Variants in SDK1 observed in about 807,000 individuals in gnomAD.
SDK1 encodes sidekick cell adhesion molecule 1.
Under a neutral mutation model 245.5 loss-of-function variants are expected in SDK1, and 157 were observed. The observed-to-expected ratio is 0.64, with a 90% CI of 0.56 to 0.73. The LOEUF is 0.73. Among genes scored for constraint, SDK1 ranks in the 30% least tolerant of loss-of-function variants. The pLI is 0.00. For missense variants in SDK1, 3,583 were observed against 3,002.3 expected (o/e 1.19, Z -4.52); for synonymous variants, 1,647 against 1,278.5 (o/e 1.29, Z -6.15).
chr7:4,190,649 G>A (rs1436180020), intron 35 of SDK1, among the ~76,000 whole-genome samples: 1 of 152,266 alleles, frequency 6.6e-6, no homozygotes, highest in African/African-American at 2.4e-5. Flanking sequence ...CCCACAGCAG[G>A]CTGTGCACAG....
chr7:3,431,190 C>G (rs542786993), intron 1 of SDK1, among the ~76,000 whole-genome samples: 3 of 152,048 alleles, frequency 2.0e-5, no homozygotes, highest in Non-Finnish European at 4.4e-5. Context: ...CGTGAGGCAC[C>G]ACGCCTGGCC....
intron 25 of SDK1, among the ~76,000 whole-genome samples, chr7:4,125,146 C>T (rs1292267712): frequency 3.1e-5 from 3 of 95,830 alleles, no homozygotes; most frequent in East Asian, 3.7e-4. Context: ...ATGGAATGAT[C>T]GATTTATGGA....
chr7:3,501,577 G>A (rs1050606350), intron 1 of SDK1, among the ~76,000 whole-genome samples: 1 of 152,116 alleles, frequency 6.6e-6, no homozygotes, highest in Non-Finnish European at 1.5e-5. Context: ...AGAATTCTAA[G>A]TAGATGAAGT....
intron 17 of SDK1, among the ~76,000 whole-genome samples, chr7:4,033,647 C>T (rs780531411): frequency 6.6e-6 from 1 of 152,156 alleles, no homozygotes; most frequent in African/African-American, 2.4e-5. Context: ...GAAAAATGGG[C>T]AAGCTCTATG....
intron 1 of SDK1, among the ~76,000 whole-genome samples, chr7:3,470,377 A>G (rs1170652901): frequency 6.6e-6 from 1 of 152,204 alleles, no homozygotes; most frequent in African/African-American, 2.4e-5. Context: ...ACAACTATTT[A>G]AAGATCTCAT....
At chr7:3,381,523 CTG>C (rs1363394670) in intron 1 of SDK1, among the ~76,000 whole-genome samples, 3 of 151,984 alleles carry the variant, frequency 2.0e-5, no homozygotes, top group African/African-American at 7.3e-5. Flanking sequence ...CTGAGGGAGA[CTG>C]GGGCTCAAGA....
intron 1 of SDK1, among the ~76,000 whole-genome samples, chr7:3,556,617 T>G (rs754387002): frequency 6.6e-6 from 1 of 151,876 alleles, no homozygotes. Flanking sequence ...GGTCAGGATT[T>G]TGAGACCAGT....
rs191790252 is a variant in SDK1, at chr7:3,523,223, A to G, written c.299-95857A>G. Reference sequence around the variant, plus strand: ...TGATGTAATGTTAAAGAGCCACTGCAGAAGCATTTGCAAATCATAAATTAA... The same window carrying G: ...TGATGTAATGTTAAAGAGCCACTGCGGAAGCATTTGCAAATCATAAATTAA... On this transcript the variant is annotated intron_variant, in intron 1 of 44. Transcript: ENST00000404826. Among the ~76,000 whole-genome samples the G allele has an allele frequency of 9.3e-4, 141 of 152,352 alleles. 1 individual carries two copies. Among genetic ancestry groups the G allele is most frequent in the Non-Finnish European group, 1.5e-3 (104 of 68,036 alleles).
chr7:4,025,053 CAG>C (rs1787230580), intron 17 of SDK1, among the ~76,000 whole-genome samples: 1 of 151,304 alleles, frequency 6.6e-6, no homozygotes, highest in African/African-American at 2.4e-5. Flanking sequence ...CACACACAAA[CAG>C]AGCATCCATG....
chr7:3,957,094 G>A (rs1363434449), intron 7 of SDK1, among the ~76,000 whole-genome samples: 2 of 152,156 alleles, frequency 1.3e-5, no homozygotes, highest in African/African-American at 2.4e-5. Flanking sequence ...AGTTACACTC[G>A]ATGACCTCCT....
chr7:3,354,701 G>T (rs538402996), intron 1 of SDK1, among the ~76,000 whole-genome samples: 1 of 152,298 alleles, frequency 6.6e-6, no homozygotes, highest in African/African-American at 2.4e-5. Context: ...GTCTTGGGTA[G>T]ATTATTTAAA....
At position 4,203,972 on chromosome 7, in the gene SDK1, C is replaced by T. The variant is rs1455608406; in HGVS notation, c.5099-1907C>T. 9.8e-5 allele frequency among the ~76,000 whole-genome samples: 15 copies of T among 152,350 alleles called. No individual in the cohort carries two copies. In the South Asian group the frequency reaches 2.7e-3, roughly 27 times the overall value. On this transcript the variant is annotated intron_variant, in intron 35 of 44. Transcript: ENST00000404826. Reference sequence around the variant, plus strand: ...TCTCCACCCCAGAGAAAGGGGCATGCGGGCCCCTAATTTATGGGGGTTCAC... The same window carrying T: ...TCTCCACCCCAGAGAAAGGGGCATGTGGGCCCCTAATTTATGGGGGTTCAC...
In SDK1 at chr7:3,643,958, AGT is replaced by A. The variant is rs1782739043; in HGVS notation, c.713+1855_713+1856del. Among the ~76,000 whole-genome samples, 3 of 150,604 alleles carry A rather than the reference AGT, an allele frequency of 2.0e-5. No homozygotes were observed. The South Asian group carries it at 6.3e-4, about 32-fold the overall frequency. On this transcript the variant is annotated intron_variant, in intron 4 of 44. Coordinates refer to ENST00000404826, the MANE Select transcript of SDK1 (RefSeq NM_152744.4). The stretch of plus-strand genomic sequence containing the variant: ...CCCTCTGTCACCCAGGCTGAGGTAC[AGT>A]GGCGTGATCTCAGCTCACTGCAACC...
At chr7:3,839,754 T>G (rs948974711) in intron 5 of SDK1, among the ~76,000 whole-genome samples, 1 of 152,218 alleles carries the variant, frequency 6.6e-6, no homozygotes, top group African/African-American at 2.4e-5. Flanking sequence ...CAATGTATAA[T>G]GATGTGTGAT....
intron 14 of SDK1, among the ~76,000 whole-genome samples, chr7:3,989,246 G>A (rs1784107988): frequency 6.6e-6 from 1 of 152,200 alleles, no homozygotes; most frequent in Non-Finnish European, 1.5e-5. Context: ...TGAAAGTCAT[G>A]TCTCACATGG....
At chr7:4,005,393 A>AGTGTGTGTGTGTGT (rs71032920) in intron 14 of SDK1, among the ~76,000 whole-genome samples, 27 of 129,910 alleles carry the variant, frequency 2.1e-4, no homozygotes, top group African/African-American at 3.5e-4. Flanking sequence ...TTCTTATGTG[A>AGTGTGTGTGTGTGT]GTGTGTGTGT....
chr7:4,121,552 G>T (rs147237465), intron 25 of SDK1, among the ~76,000 whole-genome samples: 2 of 152,326 alleles, frequency 1.3e-5, no homozygotes, highest in Middle Eastern at 3.4e-3. Flanking sequence ...CTCCAGCCAT[G>T]TGTAACTCTG....
At chr7:3,370,668 A>T (rs190493278) in intron 1 of SDK1, among the ~76,000 whole-genome samples, 82 of 152,360 alleles carry the variant, frequency 5.4e-4, no homozygotes, top group African/African-American at 1.9e-3. Context: ...ATGTTCTTCA[A>T]TATGGCTGGT....
chr7:4,017,066 A>T (rs1180328038), intron 16 of SDK1, 105 bp from the exon 17 acceptor site: 2 of 1,124,460 alleles, frequency 1.8e-6, no homozygotes, highest in Non-Finnish European at 2.5e-6. Flanking sequence ...TCTGCTCTTG[A>T]TTATTTACTT....
Sources: gnomAD v4.1 joint callset for allele counts (sites outside exome capture counted in the v4.1 genomes callset) on GRCh38, gnomAD v4.1.1 for gene constraint, MANE v1.5 for transcripts, NCBI Gene and HGNC (gene_info 2026-07-23, HGNC 2026-07-21) for gene names.